The following RNLS variants were observed in gnomAD, a reference collection of about 807,000 sequenced individuals.
RNLS encodes the protein renalase.
Under a neutral mutation model 39.8 loss-of-function variants are expected in RNLS, and 39 were observed. That is an observed-to-expected ratio of 0.98 (90% CI 0.76 to 1.28). The LOEUF (loss-of-function observed/expected upper bound fraction) is 1.28. RNLS is among the 50% of genes most tolerant of loss of function. The pLI is 0.00. For synonymous variants in RNLS, 147 were observed against 150.7 expected, an observed-to-expected ratio of 0.98 and a Z score of 0.18; for missense variants, 410 against 413.3, an observed-to-expected ratio of 0.99 and a Z score of 0.07.
intron 4 of RNLS, among the ~76,000 whole-genome samples, chr10:88,502,989 G>A (rs540268548): frequency 6.6e-6 from 1 of 151,900 alleles, no homozygotes; most frequent in Non-Finnish European, 1.5e-5. Context: ...TGATTCCCCA[G>A]GTACTGGCCC....
chr10:88,264,897 T>C, the RNLS span, among the ~76,000 whole-genome samples: 4 of 152,240 alleles, frequency 2.6e-5, no homozygotes, highest in Non-Finnish European at 5.9e-5. Flanking sequence ...TTCTTGGTCA[T>C]GAAGTCTTTG....
At chr10:88,512,772 G>T (rs755082347) in intron 4 of RNLS, among the ~76,000 whole-genome samples, 1 of 152,012 alleles carries the variant, frequency 6.6e-6, no homozygotes, top group Non-Finnish European at 1.5e-5. Context: ...TCCCACCTTT[G>T]TGCCTTTTGC....
intron 4 of RNLS, among the ~76,000 whole-genome samples, chr10:88,387,899 C>A (rs539497217): frequency 2.6e-5 from 4 of 152,126 alleles, no homozygotes; most frequent in African/African-American, 9.7e-5. Context: ...CTGTTCTTCA[C>A]GACCACACAC....
At chr10:88,322,357 C>T (rs1846246298) in intron 5 of RNLS, among the ~76,000 whole-genome samples, 1 of 152,160 alleles carries the variant, frequency 6.6e-6, no homozygotes, top group East Asian at 1.9e-4. Context: ...GAAAGCATTT[C>T]CCCGATATGG....
chr10:88,445,822 T>G (rs916546886), intron 4 of RNLS, among the ~76,000 whole-genome samples: 1 of 152,142 alleles, frequency 6.6e-6, no homozygotes, highest in Non-Finnish European at 1.5e-5. Context: ...AGCAAGTCCT[T>G]AGAGACCTAC....
chr10:88,573,268 T>G (rs763660164), intron 3 of RNLS, among the ~76,000 whole-genome samples: 1 of 152,198 alleles, frequency 6.6e-6, no homozygotes, highest in East Asian at 1.9e-4. Context: ...TATCAGTGCC[T>G]GCTCTGAATC....
chr10:88,271,097 G>A (rs1422200594), downstream of RNLS, among the ~76,000 whole-genome samples: 4 of 152,170 alleles, frequency 2.6e-5, no homozygotes, highest in Non-Finnish European at 2.9e-5. Flanking sequence ...TTTGGCTTGT[G>A]GTACTGGAGC....
chr10:88,429,289 G>A (rs1855000648), intron 4 of RNLS, among the ~76,000 whole-genome samples: 1 of 151,912 alleles, frequency 6.6e-6, no homozygotes, highest in Admixed American at 6.6e-5. Context: ...AAGCTGCTGT[G>A]TAATCAAGAT....
intron 4 of RNLS, among the ~76,000 whole-genome samples, chr10:88,365,797 A>C (rs1850045435): frequency 6.6e-6 from 1 of 151,996 alleles, no homozygotes; most frequent in African/African-American, 2.4e-5. Context: ...GAGAGAGAAG[A>C]GGAGGGTGAG....
intron 4 of RNLS, among the ~76,000 whole-genome samples, chr10:88,462,392 G>A (rs1289125332): frequency 3.3e-5 from 5 of 151,888 alleles, no homozygotes; most frequent in Admixed American, 3.3e-4. Flanking sequence ...GATAACATTT[G>A]ATTTGAGACA....
intron 4 of RNLS, among the ~76,000 whole-genome samples, chr10:88,406,728 C>A (rs1017824079): frequency 6.6e-5 from 10 of 152,052 alleles, no homozygotes; most frequent in African/African-American, 2.2e-4. Flanking sequence ...GAAAAGAAGT[C>A]ATTATTCAAA....
At position 88,285,180 on chromosome 10, in the gene RNLS, G is replaced by T; in HGVS notation, c.*174C>A. On this transcript the variant is annotated 3_prime_UTR_variant, in exon 7 of 7. Transcript: ENST00000331772. ...TGTGAGGAATTTCCATTCTAGCATG[G>T]GTTGTAACTATCAAAATTACAAAAT... 3 of 1,332,932 alleles carry T rather than the reference G, an allele frequency of 2.3e-6. No individual in the cohort carries two copies. The highest frequency in any genetic ancestry group is 2.9e-6 in the Non-Finnish European group (3 of 1,042,400). The allele number at this position is 1,332,932 out of a possible 1,614,324, so 82.6% of individuals were successfully genotyped here. A position where few individuals can be genotyped will look rare whatever the true frequency, so the allele number is the denominator to read the frequency against.
chr10:88,512,541 C>T (rs1846188030), intron 4 of RNLS, among the ~76,000 whole-genome samples: 1 of 152,104 alleles, frequency 6.6e-6, no homozygotes, highest in Admixed American at 6.6e-5. Flanking sequence ...TATCCTTCAC[C>T]ATACAGGATC....
chr10:88,207,158 G>A, the RNLS span, among the ~76,000 whole-genome samples: 25 of 152,236 alleles, frequency 1.6e-4, no homozygotes, highest in African/African-American at 3.1e-4. Flanking sequence ...ATCATGATCC[G>A]TGAAAGAGAA....
intron 4 of RNLS, among the ~76,000 whole-genome samples, chr10:88,570,815 G>A (rs768815571): frequency 3.9e-5 from 6 of 152,084 alleles, no homozygotes; most frequent in Non-Finnish European, 8.8e-5. Context: ...TTAAAAACAG[G>A]GCACTTCAGT....
the RNLS span, among the ~76,000 whole-genome samples, chr10:88,208,709 A>G: frequency 6.6e-6 from 1 of 152,148 alleles, no homozygotes; most frequent in Non-Finnish European, 1.5e-5. Flanking sequence ...CTGCTTATCT[A>G]CAGAAATTTC....
intron 6 of RNLS, among the ~76,000 whole-genome samples, chr10:88,313,138 C>A (rs949069201): frequency 2.0e-5 from 3 of 152,066 alleles, no homozygotes; most frequent in Non-Finnish European, 4.4e-5. Flanking sequence ...TTGATTAGAC[C>A]ATTTTGTGGT....
chr10:88,218,516 T>C, the RNLS span, among the ~76,000 whole-genome samples: 2 of 152,152 alleles, frequency 1.3e-5, no homozygotes, highest in South Asian at 2.1e-4. Context: ...CTTGGAACAC[T>C]GGTGTCCAAT....
chr10:88,423,461 C>G (rs1229711858), intron 4 of RNLS, among the ~76,000 whole-genome samples: 1 of 152,184 alleles, frequency 6.6e-6, no homozygotes, highest in African/African-American at 2.4e-5. Flanking sequence ...AGATTAATTA[C>G]TCAGTATTCA....
Sources: allele counts gnomAD v4.1 joint callset (sites outside exome capture counted in the v4.1 genomes callset), GRCh38; gene constraint gnomAD v4.1.1; transcripts MANE v1.5; gene names NCBI Gene and HGNC (gene_info 2026-07-23, HGNC 2026-07-21).